Variants in MORN3 observed in about 807,000 individuals in gnomAD.
MORN3 encodes the protein MORN repeat containing 3.
MORN3 carries 38 observed loss-of-function variants against 34.7 expected under a neutral mutation model. That is an observed-to-expected ratio of 1.10 (90% CI 0.85 to 1.44). MORN3 has a LOEUF of 1.44. Among genes scored for constraint, MORN3 ranks in the 40% most tolerant of loss-of-function variants. MORN3 has a pLI of 0.00. For missense variants in MORN3, 311 were observed against 321.7 expected (o/e 0.97, Z 0.25); for synonymous variants, 109 against 115.3 (o/e 0.95, Z 0.35).
intron 1 of MORN3, among the ~76,000 whole-genome samples, chr12:121,660,031 C>T (rs1364094643): frequency 6.6e-6 from 1 of 151,284 alleles, no homozygotes; most frequent in African/African-American, 2.4e-5. Context: ...GTCAGGAGTT[C>T]GAGACCAGCC....
chr12:121,668,761 A>G (rs148949245), intron 1 of MORN3, among the ~76,000 whole-genome samples: 2 of 152,270 alleles, frequency 1.3e-5, no homozygotes, highest in East Asian at 1.9e-4. Context: ...GCAAGACTGG[A>G]GTGAGCAGCA....
intron 1 of MORN3, among the ~76,000 whole-genome samples, chr12:121,660,198 C>T (rs1338325960): frequency 2.0e-5 from 3 of 150,764 alleles, no homozygotes; most frequent in African/African-American, 7.3e-5. Context: ...GACGTCGTTG[C>T]AGTGAGCCGA....
chr12:121,659,822 G>A (rs1427964521), intron 1 of MORN3, among the ~76,000 whole-genome samples: 1 of 151,850 alleles, frequency 6.6e-6, no homozygotes, highest in East Asian at 2.0e-4. Context: ...GAGCCACTGC[G>A]TCCGGCCAGA....
chr12:121,659,492 C>A, intron 1 of MORN3, 144 bp from the exon 2 acceptor site: 1 of 715,580 alleles, frequency 1.4e-6, no homozygotes, highest in East Asian at 2.7e-5. Context: ...CACCAAGTAC[C>A]CAGGAGAAGG....
chr12:121,668,450 A>T (rs375330242), intron 1 of MORN3, among the ~76,000 whole-genome samples: 209 of 152,286 alleles, frequency 1.4e-3, no homozygotes, highest in African/African-American at 4.7e-3. Context: ...CTGAGGCAGG[A>T]GAATCGCCTG....
rs879065959 is a variant in MORN3, at chr12:121,659,137, G to GCGCACA, written c.303+53_303+54insTGTGCG. On this transcript the variant is annotated intron_variant, in intron 2 of 5. Coordinates refer to ENST00000355329, the MANE Select transcript of MORN3 (RefSeq NM_173855.5). ...CGGCTTCCCCTAAACACACACGCGCGCACACACACACACACACACACACAC... is the reference window on the plus strand; with the variant it reads ...CGGCTTCCCCTAAACACACACGCGCGCGCACACACACACACACACACACACACACAC... 67 of 1,485,456 alleles carry GCGCACA rather than the reference G, an allele frequency of 4.5e-5. No homozygotes were observed. The Middle Eastern group carries it at 5.6e-4, about 13-fold the overall frequency. 92.0% of individuals were successfully genotyped at this position (1,485,456 alleles called of 1,614,324 possible).
chr12:121,652,742 C>T lies in MORN3; in HGVS notation c.715G>A (p.Gly239Arg), dbSNP rs781843217. The T allele has an allele frequency of 1.2e-6, 2 of 1,614,220 alleles. No individual in the cohort carries two copies. Among genetic ancestry groups the T allele is most frequent in the East Asian group, 2.2e-5 (1 of 44,884 alleles). Residue 239 changes from glycine (G) to arginine (R), a missense_variant, in exon 5 of 6, where the codon GGA becomes AGA. Gly to Arg is a moderately radical substitution (Grantham distance 125). Coordinates refer to ENST00000355329, the MANE Select transcript of MORN3 (RefSeq NM_173855.5). The part of the protein sequence containing the change: ...ALAMFRKTEE[G>R]D ...CCACCCCTCACCTGGCATCAATCTC[C>T]TTCCTCTGTCTTCCTGAACATGGCC...
intron 1 of MORN3, among the ~76,000 whole-genome samples, chr12:121,663,044 A>G (rs1267444444): frequency 6.6e-6 from 1 of 152,114 alleles, no homozygotes; most frequent in Non-Finnish European, 1.5e-5. Context: ...GCATCGTTCT[A>G]TATTAATACT....
chr12:121,660,243 C>A (rs2954115), intron 1 of MORN3, among the ~76,000 whole-genome samples: 32,175 of 150,930 alleles, frequency 0.21, 3,609 homozygotes, highest in African/African-American at 0.24. Flanking sequence ...GGGAGACGAG[C>A]GAAACTCCAT....
rs372345130 is a variant in MORN3 at position 121,659,393 on chromosome 12, G to C, written c.146-45C>G. 85 of 1,604,010 alleles carry C rather than the reference G, an allele frequency of 5.3e-5. No homozygotes were observed. The African/African-American group carries it at 1.0e-3, about 19-fold the overall frequency. ...CAATGCTGCAGACATGGCCGCCGGG[G>C]GGTGGGGGTGGTGTGCCTGCCTGAG... On this transcript the variant is annotated intron_variant, in intron 1 of 5. Transcript: ENST00000355329.
At position 121,653,275 on chromosome 12, in the gene MORN3, G is replaced by A. The variant is rs1555325312; in HGVS notation, c.464-16C>T. The A allele has an allele frequency of 1.2e-6, 2 of 1,611,782 alleles. No individual in the cohort carries two copies. The highest frequency in any genetic ancestry group is 1.7e-6 in the Non-Finnish European group (2 of 1,178,972). On this transcript the variant is annotated splice_polypyrimidine_tract_variant and intron_variant, in intron 3 of 5. Transcript: ENST00000355329. ...TTCCCGTTCTCTGGGGGAAAGGACA[G>A]GGAGGTGTGGTGCAGGGTACACCAA... is the stretch of plus-strand genomic sequence containing the variant.
intron 1 of MORN3, among the ~76,000 whole-genome samples, chr12:121,662,326 G>C (rs969123388): frequency 4.6e-5 from 7 of 152,124 alleles, no homozygotes; most frequent in African/African-American, 1.7e-4. Context: ...AATTAGCCTG[G>C]TGTGGTGGCG....
At chr12:121,670,030 C>G (rs1438016238), upstream of MORN3, among the ~76,000 whole-genome samples, 1 of 151,534 alleles carries the variant, frequency 6.6e-6, no homozygotes, top group Non-Finnish European at 1.5e-5. Context: ...CCCACCACCA[C>G]GCCTGGCTAA....
intron 2 of MORN3, among the ~76,000 whole-genome samples, chr12:121,655,339 CAA>C (rs57882903): frequency 5.1e-5 from 7 of 138,586 alleles, no homozygotes; most frequent in East Asian, 4.2e-4. Flanking sequence ...GACGCTATCT[CAA>C]AAAAAAAAAA....
chr12:121,659,137 GCACACACACACACACACACA>G lies in MORN3; in HGVS notation c.303+34_303+53del, dbSNP rs57639477. 4 of 1,485,492 alleles carry G rather than the reference GCACACACACACACACACACA, an allele frequency of 2.7e-6. No homozygotes were observed. The East Asian group carries it at 9.4e-5, about 35-fold the overall frequency. 92.0% of individuals were successfully genotyped at this position (1,485,492 alleles called of 1,614,324 possible). ...CGGCTTCCCCTAAACACACACGCGCGCACACACACACACACACACACACACACACACCCCGGCTGGCAGGC... is the reference window on the plus strand; with the variant it reads ...CGGCTTCCCCTAAACACACACGCGCGCACACACACACCCCGGCTGGCAGGC... On this transcript the variant is annotated intron_variant, in intron 2 of 5. Coordinates refer to ENST00000355329, the MANE Select transcript of MORN3 (RefSeq NM_173855.5).
intron 1 of MORN3, among the ~76,000 whole-genome samples, chr12:121,666,065 C>T (rs1893744898): frequency 6.6e-6 from 1 of 152,112 alleles, no homozygotes; most frequent in Non-Finnish European, 1.5e-5. Flanking sequence ...CATGATGGCT[C>T]ACACTTGTAA....
At chr12:121,666,943 C>A (rs1420595666) in intron 1 of MORN3, among the ~76,000 whole-genome samples, 1 of 151,092 alleles carries the variant, frequency 6.6e-6, no homozygotes, top group African/African-American at 2.4e-5. Flanking sequence ...CTTCTTTAAC[C>A]CACAACCTCT....
chr12:121,669,827 TA>T (rs1240356304), upstream of MORN3, among the ~76,000 whole-genome samples: 20 of 117,676 alleles, frequency 1.7e-4, no homozygotes, highest in African/African-American at 3.8e-4. Context: ...TATATATATA[TA>T]TATATTTTTT....
intron 1 of MORN3, among the ~76,000 whole-genome samples, chr12:121,667,068 C>G (rs532488577): frequency 6.8e-6 from 1 of 146,988 alleles, no homozygotes; most frequent in Non-Finnish European, 1.5e-5. Flanking sequence ...TCAAGCAATT[C>G]TCTTATCTCA....
Sources: gnomAD v4.1 joint callset for allele counts (sites outside exome capture counted in the v4.1 genomes callset) on GRCh38, gnomAD v4.1.1 for gene constraint, MANE v1.5 for transcripts, NCBI Gene and HGNC (gene_info 2026-07-23, HGNC 2026-07-21) for gene names.